CCDC90B: variants seen among roughly 807,000 people sequenced by gnomAD.
CCDC90B encodes the protein coiled-coil domain containing 90B, also known as coiled-coil domain-containing protein 90B, mitochondrial.
In CCDC90B, 24 loss-of-function variants were observed where a neutral mutation model predicts 37.0. The observed-to-expected ratio is 0.65, with a 90% CI of 0.47 to 0.91. The LOEUF (loss-of-function observed/expected upper bound fraction) is 0.91. CCDC90B is among the 40% of genes least tolerant of loss of function. The pLI, the probability that CCDC90B is intolerant of heterozygous loss-of-function variation, is 0.00. For synonymous variants in CCDC90B, 113 were observed against 101.1 expected (o/e 1.12, Z -0.71); for missense variants, 319 against 299.0 (o/e 1.07, Z -0.49).
At chr11:83,268,901 C>G (rs548700168) in intron 7 of CCDC90B, among the ~76,000 whole-genome samples, 34 of 152,244 alleles carry the variant, frequency 2.2e-4, no homozygotes, top group Admixed American at 1.8e-3. Flanking sequence ...GAACAGAAAT[C>G]ACAACAAACT....
chr11:83,267,415 C>A (rs1864351780), intron 7 of CCDC90B: 1 of 152,122 alleles, frequency 6.6e-6, no homozygotes, highest in African/African-American at 2.4e-5. Flanking sequence ...GTAGAGAAGA[C>A]CTTAAATGAC....
Position 83,270,838 on chromosome 11 carries a change from A to C in CCDC90B, c.594+2809T>G, listed in dbSNP as rs531652251. Among the ~76,000 whole-genome samples, 26 of 152,354 alleles carry C rather than the reference A, an allele frequency of 1.7e-4. No homozygotes were observed. The South Asian group carries it at 5.4e-3, about 32-fold the overall frequency. On this transcript the variant is annotated intron_variant, in intron 7 of 8. Transcript: ENST00000529689. ...GAAGACAATCCTAAGCAAAAAGAAC[A>C]AAGCTGGAGGCATCAAGCTACCTGA... is the stretch of plus-strand genomic sequence containing the variant.
chr11:83,261,798 CT>C lies in CCDC90B; in HGVS notation c.*112del. On this transcript the variant is annotated 3_prime_UTR_variant, in exon 9 of 9. Transcript: ENST00000529689. Reference sequence around the variant, plus strand: ...CACTTCCTCTTTTAGTCCGTATACACTTCGAATAATCTTGTGTAGTAAATTT... The same window carrying C: ...CACTTCCTCTTTTAGTCCGTATACACTCGAATAATCTTGTGTAGTAAATTT... 4.1e-6 allele frequency: 3 copies of C among 724,074 alleles called. No homozygotes were observed. The highest frequency in any genetic ancestry group is 7.1e-6 in the Non-Finnish European group (3 of 419,696). The allele number at this position is 724,074 out of a possible 1,614,324, so 44.9% of individuals were successfully genotyped here.
rs183819131 is a variant in CCDC90B at position 83,269,823 on chromosome 11, C to T, written c.594+3824G>A. Among the ~76,000 whole-genome samples, 847 of 152,274 alleles carry T rather than the reference C, an allele frequency of 5.6e-3. 11 individuals are homozygous for T. The highest frequency in any genetic ancestry group is 0.02 in the African/African-American group (818 of 41,540). On this transcript the variant is annotated intron_variant, in intron 7 of 8. Transcript: ENST00000529689. ...CTCATTTTATGAGGCCAACATCATC[C>T]TGATACCAAAGCCTGGCAGAGACAC...
intron 7 of CCDC90B, among the ~76,000 whole-genome samples, chr11:83,271,748 A>G (rs1183843656): frequency 6.6e-6 from 1 of 152,254 alleles, no homozygotes; most frequent in Non-Finnish European, 1.5e-5. Flanking sequence ...TATTTGACCC[A>G]GCAATCCCAT....
In CCDC90B at chr11:83,286,172, T is replaced by C; in HGVS notation, c.-200A>G. 1 of 1,536,072 alleles carries C rather than the reference T, an allele frequency of 6.5e-7. No homozygotes were observed. Among genetic ancestry groups the C allele is most frequent in the Non-Finnish European group, 8.7e-7 (1 of 1,146,866 alleles). On this transcript the variant is annotated 5_prime_UTR_variant, in exon 1 of 9. The change abolishes an upstream ATG in the 5' untranslated region. Transcript: ENST00000529689. ...CAGACAGACCCACAGTTCGCGAGCATGGCTCAGCGCTGCCCCGCTTCTCCC... is the reference window on the plus strand; with the variant it reads ...CAGACAGACCCACAGTTCGCGAGCACGGCTCAGCGCTGCCCCGCTTCTCCC...
rs1033683547 is a variant in CCDC90B, at chr11:83,286,006, A to C, written c.-34T>G. On this transcript the variant is annotated 5_prime_UTR_variant, in exon 1 of 9. Transcript: ENST00000529689. ...AGTTTTCCGGTGGGAGGGAGGCGGA[A>C]GACGGGGTAAATCTCGCACAGGCTT... 6.3e-7 allele frequency: 1 copy of C among 1,585,312 alleles called. No homozygotes were observed. The highest frequency in any genetic ancestry group is 1.3e-5 in the African/African-American group (1 of 74,180).
intron 7 of CCDC90B, among the ~76,000 whole-genome samples, chr11:83,269,877 C>T (rs749181781): frequency 3.3e-5 from 5 of 152,176 alleles, no homozygotes; most frequent in Non-Finnish European, 5.9e-5. Flanking sequence ...GAGCAATATC[C>T]GTGATGAACG....
intron 7 of CCDC90B, among the ~76,000 whole-genome samples, chr11:83,266,269 A>G (rs1230494807): frequency 6.6e-6 from 1 of 152,200 alleles, no homozygotes; most frequent in African/African-American, 2.4e-5. Context: ...CAGTGGGTGC[A>G]GCGCACGGAG....
intron 4 of CCDC90B, 199 bp downstream of exon 4, chr11:83,274,440 C>T: frequency 5.5e-6 from 2 of 364,508 alleles, no homozygotes; most frequent in Non-Finnish European, 9.8e-6. Context: ...AACTCTTATT[C>T]TCTTCAGTAT....
chr11:83,269,305 C>T (rs1864496338), intron 7 of CCDC90B, among the ~76,000 whole-genome samples: 1 of 151,700 alleles, frequency 6.6e-6, no homozygotes, highest in Non-Finnish European at 1.5e-5. Context: ...AGAGACACAA[C>T]AAACCCTTAA....
intron 8 of CCDC90B, among the ~76,000 whole-genome samples, chr11:83,264,991 G>A (rs372277742): frequency 5.9e-5 from 9 of 151,268 alleles, no homozygotes; most frequent in African/African-American, 2.2e-4. Context: ...ATAGCATTGG[G>A]AGATATACCT....
intron 3 of CCDC90B, among the ~76,000 whole-genome samples, chr11:83,277,657 T>G (rs760488486): frequency 6.7e-6 from 1 of 149,618 alleles, no homozygotes. Flanking sequence ...TAATTTTTGT[T>G]TTTTTTTTTG....
Position 83,285,855 on chromosome 11 carries a change from C to T in CCDC90B, c.100+18G>A. On this transcript the variant is annotated intron_variant, in intron 1 of 8. Transcript: ENST00000529689. ...CTAGAGAGCACTCAGGCATCTATGA[C>T]ACGACGCCTTGCCTCACCTCTCCGC... 1 of 1,605,340 alleles carries T rather than the reference C, an allele frequency of 6.2e-7. No homozygotes were observed. Among genetic ancestry groups the T allele is most frequent in the East Asian group, 2.2e-5 (1 of 44,540 alleles).
intron 1 of CCDC90B, 63 bp from the exon 2 acceptor site, chr11:83,280,323 T>A: frequency 6.9e-7 from 1 of 1,442,886 alleles, no homozygotes; most frequent in African/African-American, 1.4e-5. Flanking sequence ...TACTTTAGCT[T>A]ACAAAGCATT....
chr11:83,270,842 C>T (rs1864611149), intron 7 of CCDC90B, among the ~76,000 whole-genome samples: 2 of 152,166 alleles, frequency 1.3e-5, no homozygotes, highest in Admixed American at 1.3e-4. Flanking sequence ...AAGAACAAAG[C>T]TGGAGGCATC....
Position 83,273,762 on chromosome 11 carries a change from A to G in CCDC90B, c.540+31T>C, listed in dbSNP as rs1864839945. The G allele has an allele frequency of 3.1e-6, 5 of 1,601,826 alleles. No homozygotes were observed. The Admixed American group carries it at 6.9e-5, about 22-fold the overall frequency. ...GTCTAAAAATAAAAAAGGAGTAAGT[A>G]ACCAAGAAAGTACATTTAAAAGAAC... On this transcript the variant is annotated intron_variant, in intron 6 of 8. Coordinates refer to ENST00000529689, the MANE Select transcript of CCDC90B (RefSeq NM_021825.5).
At chr11:83,271,739 A>G (rs1472494533) in intron 7 of CCDC90B, among the ~76,000 whole-genome samples, 1 of 152,200 alleles carries the variant, frequency 6.6e-6, no homozygotes, top group Non-Finnish European at 1.5e-5. Context: ...TAGAATTACT[A>G]TTTGACCCAG....
In CCDC90B at chr11:83,271,369, AC is replaced by A. The variant is rs891984753; in HGVS notation, c.594+2277del. On this transcript the variant is annotated intron_variant, in intron 7 of 8. Transcript: ENST00000529689. Reference sequence around the variant, plus strand: ...GAATGGGAGAAAATTTTTGCAATCTACCCATCTGACAAAGGGCTAATATCCA... The same window carrying A: ...GAATGGGAGAAAATTTTTGCAATCTACCATCTGACAAAGGGCTAATATCCA... Among the ~76,000 whole-genome samples the A allele has an allele frequency of 3.3e-4, 51 of 152,348 alleles. 1 individual carries two copies. The highest frequency in any genetic ancestry group is 1.2e-3 in the African/African-American group (51 of 41,580).
Sources: gnomAD v4.1 joint callset for allele counts (sites outside exome capture counted in the v4.1 genomes callset) on GRCh38, gnomAD v4.1.1 for gene constraint, MANE v1.5 for transcripts, NCBI Gene and HGNC (gene_info 2026-07-23, HGNC 2026-07-21) for gene names.